Variants in TMPRSS6 observed in about 807,000 individuals in gnomAD.
TMPRSS6 encodes transmembrane protease serine 6.
TMPRSS6 carries 67 observed loss-of-function variants against 101.5 expected under a neutral mutation model. That is an observed-to-expected ratio of 0.66 (90% confidence interval 0.54 to 0.81). The LOEUF (loss-of-function observed/expected upper bound fraction) is 0.81, where lower values mean the gene tolerates loss of function less well. TMPRSS6 is among the 30% of genes least tolerant of loss of function. The pLI is 0.00. For synonymous variants in TMPRSS6, 453 were observed against 464.9 expected (o/e 0.97, Z 0.33); for missense variants, 1,034 against 1,088.7 (o/e 0.95, Z 0.71).
chr22:37,092,759 G>T (rs1449748814), intron 6 of TMPRSS6, among the ~76,000 whole-genome samples: 3 of 152,244 alleles, frequency 2.0e-5, no homozygotes, highest in Non-Finnish European at 2.9e-5. Context: ...GCCTCCCAAA[G>T]TGCTGGGATT....
rs190649850 is a variant in TMPRSS6 at position 37,093,749 on chromosome 22, G to A, written c.631+1802C>T. Among the ~76,000 whole-genome samples the A allele has an allele frequency of 2.8e-3, 429 of 151,348 alleles. 1 individual carries two copies. The highest frequency in any genetic ancestry group is 6.8e-3 in the Middle Eastern group (2 of 292). ...TGAAAAATGGCCTATGGAGCCAGGC[G>A]TGGTGGCTCACACCTGTAATCCCAG... On this transcript the variant is annotated intron_variant, in intron 6 of 17. Transcript: ENST00000676104.
At chr22:37,068,982 AC>A in intron 16 of TMPRSS6, 90 bp downstream of exon 16, 3 of 1,496,080 alleles carry the variant, frequency 2.0e-6, no homozygotes, top group Non-Finnish European at 2.7e-6. Context: ...GAGCCCCGGG[AC>A]CCCCAGCCCC....
At chr22:37,079,566 G>A (rs1928097888) in intron 10 of TMPRSS6, among the ~76,000 whole-genome samples, 2 of 152,246 alleles carry the variant, frequency 1.3e-5, no homozygotes, top group Admixed American at 6.5e-5. Flanking sequence ...AAGTGCTGAA[G>A]AGGGGAGGAG....
rs1927376254 is a variant in TMPRSS6, at chr22:37,073,894, TC to T, written c.1442-250del. The stretch of plus-strand genomic sequence containing the variant: ...CGAGTAGCTGAGATTAATTACAGGC[TC>T]CTGCTACCACGCCCAGCTAATTATT... On this transcript the variant is annotated intron_variant, in intron 12 of 17. Coordinates refer to ENST00000676104, the MANE Select transcript of TMPRSS6 (RefSeq NM_001374504.1). Among the ~76,000 whole-genome samples the T allele has an allele frequency of 4.6e-5, 7 of 152,158 alleles. No individual in the cohort carries two copies. The South Asian group carries it at 1.4e-3, about 31-fold the overall frequency.
chr22:37,069,015 T>TA lies in TMPRSS6; in HGVS notation c.2113+57dup, dbSNP rs1926595564. 2 of 1,529,282 alleles carry TA rather than the reference T, an allele frequency of 1.3e-6. No individual in the cohort carries two copies. The highest frequency in any genetic ancestry group is 1.7e-6 in the Non-Finnish European group (2 of 1,144,134). The allele number at this position is 1,529,282 out of a possible 1,614,324, so 94.7% of individuals were successfully genotyped here. A position where few individuals can be genotyped will look rare whatever the true frequency, so the allele number is the denominator to read the frequency against. ...CCCCGCCCTTCTCCAGGCCAGGTGT[T>TA]ACGGCGCAGATCCGCACGGTCTCCC... is the stretch of plus-strand genomic sequence containing the variant. On this transcript the variant is annotated intron_variant, in intron 16 of 17. Coordinates refer to ENST00000676104, the MANE Select transcript of TMPRSS6 (RefSeq NM_001374504.1). This position sits in a 1 kb window ranked among gnomAD's most constrained non-coding sequence, Gnocchi z 4.8.
At chr22:37,097,784 T>TGTCCTGTAACGGAGGGGGAAGAGC (rs1929920633) in intron 3 of TMPRSS6, among the ~76,000 whole-genome samples, 5 of 54,540 alleles carry the variant, frequency 9.2e-5, no homozygotes, top group Admixed American at 1.7e-4. Flanking sequence ...GGGGCAGGAG[T>TGTCCTGTAACGGAGGGGGAAGAGC]GGGCCACCGT....
chr22:37,106,041 T>C (rs1930693279), intron 1 of TMPRSS6, among the ~76,000 whole-genome samples: 1 of 152,114 alleles, frequency 6.6e-6, no homozygotes, highest in Non-Finnish European at 1.5e-5. Context: ...TGGTAACAGG[T>C]GACATTTATT....
intron 3 of TMPRSS6, among the ~76,000 whole-genome samples, chr22:37,097,438 C>T (rs529311198): frequency 1.0e-3 from 157 of 152,380 alleles, no homozygotes; most frequent in African/African-American, 3.2e-3. Context: ...CTCTGGGAGA[C>T]AGCCTGGAAC....
At position 37,069,027 on chromosome 22, in the gene TMPRSS6, C is replaced by T; in HGVS notation, c.2113+46G>A. ...CCAGGCCAGGTGTTACGGCGCAGAT[C>T]CGCACGGTCTCCCTCCGCCTCCCGC... On this transcript the variant is annotated intron_variant, in intron 16 of 17. Transcript: ENST00000676104. The surrounding 1 kb of genome is among the most constrained non-coding windows in gnomAD (Gnocchi z 4.8). The T allele has an allele frequency of 4.6e-6, 7 of 1,532,736 alleles. No homozygotes were observed. The highest frequency in any genetic ancestry group is 6.1e-6 in the Non-Finnish European group (7 of 1,146,002). 94.9% of individuals were successfully genotyped at this position (1,532,736 alleles called of 1,614,324 possible).
intron 6 of TMPRSS6, among the ~76,000 whole-genome samples, chr22:37,095,102 G>A (rs539186124): frequency 6.6e-6 from 1 of 152,320 alleles, no homozygotes; most frequent in South Asian, 2.1e-4. Flanking sequence ...AGGAAAAGAG[G>A]GAAGGAGCGT....
intron 7 of TMPRSS6, among the ~76,000 whole-genome samples, chr22:37,088,058 C>A (rs578053436): frequency 2.0e-5 from 3 of 152,262 alleles, no homozygotes; most frequent in Admixed American, 6.5e-5. Context: ...CACCAGGAGC[C>A]ACAGTGAGTA....
At chr22:37,085,459 C>A (rs570949916) in intron 8 of TMPRSS6, among the ~76,000 whole-genome samples, 5 of 152,202 alleles carry the variant, frequency 3.3e-5, no homozygotes, top group African/African-American at 9.7e-5. Flanking sequence ...TGGGGATAAA[C>A]CGAGAAGAGG....
Position 37,069,343 on chromosome 22 carries a change from TGCTGG to T in TMPRSS6, c.1842-4_1842del, listed in dbSNP as rs1926665637. On this transcript the variant is annotated splice_acceptor_variant and splice_polypyrimidine_tract_variant and coding_sequence_variant and intron_variant, in exon 16 of 18. Transcript: ENST00000676104. LOFTEE classifies it high-confidence loss of function. This position sits in a 1 kb window ranked among gnomAD's most constrained non-coding sequence, Gnocchi z 4.8. The stretch of plus-strand genomic sequence containing the variant: ...ACGGTCCACAGCACCGTGGAGGCCA[TGCTGG>T]GGTGGGGTGGGGTGGGGTGGGGTGG... 4.1e-6 allele frequency: 1 copy of T among 242,818 alleles called. No individual in the cohort carries two copies. Among genetic ancestry groups the T allele is most frequent in the Non-Finnish European group, 7.5e-6 (1 of 133,908 alleles). The allele number at this position is 242,818 out of a possible 1,614,324, so 15.0% of individuals were successfully genotyped here. A position where few individuals can be genotyped will look rare whatever the true frequency, so the allele number is the denominator to read the frequency against.
chr22:37,080,598 A>G (rs1751738380), intron 10 of TMPRSS6, among the ~76,000 whole-genome samples: 1 of 152,262 alleles, frequency 6.6e-6, no homozygotes, highest in South Asian at 2.1e-4. Flanking sequence ...CCATGATCAT[A>G]ACTAGAGGGC....
chr22:37,098,697 T>C, intron 2 of TMPRSS6, 148 bp from the exon 3 acceptor site: 1 of 1,068,502 alleles, frequency 9.4e-7, no homozygotes, highest in South Asian at 1.3e-5. Context: ...CATCATCATC[T>C]TTGTCACTCC....
chr22:37,086,075 G>A (rs1052513939), intron 8 of TMPRSS6, among the ~76,000 whole-genome samples: 6 of 147,386 alleles, frequency 4.1e-5, no homozygotes, highest in Non-Finnish European at 6.0e-5. Flanking sequence ...TGGTAGGACG[G>A]TCAAGGGGAA....
Position 37,068,119 on chromosome 22 carries a change from T to C in TMPRSS6, c.2113+954A>G, listed in dbSNP as rs560633831. ...CTGTTCCTGCATCTCCCCATCCATG[T>C]CAGCTCTTACCACTGTCTGTCTCCC... is the stretch of plus-strand genomic sequence containing the variant. On this transcript the variant is annotated intron_variant, in intron 16 of 17. Coordinates refer to ENST00000676104, the MANE Select transcript of TMPRSS6 (RefSeq NM_001374504.1). Among the ~76,000 whole-genome samples, 4 of 151,966 alleles carry C rather than the reference T, an allele frequency of 2.6e-5. No homozygotes were observed. In the South Asian group the frequency reaches 6.7e-4, roughly 25 times the overall value.
rs1399619794 is a variant in TMPRSS6, at chr22:37,096,567, C to T, written c.404+81G>A. ...CCCCATTTGAAACATGAAGGCATTG[C>T]ATCAGAAGCCTACAGAGGCCCCTCC... On this transcript the variant is annotated intron_variant, in intron 4 of 17. Coordinates refer to ENST00000676104, the MANE Select transcript of TMPRSS6 (RefSeq NM_001374504.1). The T allele has an allele frequency of 4.2e-6, 6 of 1,438,540 alleles. No individual in the cohort carries two copies. In the African/African-American group the frequency reaches 4.3e-5, roughly 10 times the overall value. The allele number at this position is 1,438,540 out of a possible 1,614,324, so 89.1% of individuals were successfully genotyped here. A position where few individuals can be genotyped will look rare whatever the true frequency, so the allele number is the denominator to read the frequency against.
At chr22:37,094,957 C>T (rs925672285) in intron 6 of TMPRSS6, among the ~76,000 whole-genome samples, 5 of 152,202 alleles carry the variant, frequency 3.3e-5, no homozygotes, top group African/African-American at 1.2e-4. Context: ...TTGGACAGCA[C>T]CTCCTGCCTT....
Sources: allele counts gnomAD v4.1 joint callset (sites outside exome capture counted in the v4.1 genomes callset), GRCh38; gene constraint gnomAD v4.1.1; non-coding constraint Gnocchi (gnomAD v3.1); transcripts MANE v1.5; gene names NCBI Gene and HGNC (gene_info 2026-07-23, HGNC 2026-07-21).